Variants in ENOX1 observed in about 807,000 individuals in gnomAD.
The protein encoded by ENOX1 is ecto-NOX disulfide-thiol exchanger 1.
A neutral mutation model predicts 82.5 loss-of-function variants in ENOX1; 42 were observed. The observed-to-expected ratio is 0.51, with a 90% CI of 0.40 to 0.66. The LOEUF is 0.66. Among genes scored for constraint, ENOX1 ranks in the 30% least tolerant of loss-of-function variants. The pLI, the probability that ENOX1 is intolerant of heterozygous loss-of-function variation, is 0.00. For missense variants in ENOX1, 608 were observed against 811.6 expected (o/e 0.75, Z 3.05); for synonymous variants, 271 against 282.2 (o/e 0.96, Z 0.40).
At chr13:43,732,516 G>A (rs2089405121) in intron 1 of ENOX1, among the ~76,000 whole-genome samples, 1 of 152,028 alleles carries the variant, frequency 6.6e-6, no homozygotes, top group Non-Finnish European at 1.5e-5. Flanking sequence ...CCAAGTAATG[G>A]TGAGCGCCCA....
Position 43,236,668 on chromosome 13 carries a change from C to G in ENOX1, c.1682G>C (p.Gly561Ala), listed in dbSNP as rs529596547. 1.9e-6 allele frequency: 3 copies of G among 1,586,286 alleles called. No individual in the cohort carries two copies. The highest frequency in any genetic ancestry group is 3.9e-5 in the Admixed American group (2 of 51,894). The change falls in exon 15 of 17, where the codon GGC becomes GCC. Residue 561 changes from glycine (G) to alanine (A), a missense_variant. Coordinates refer to ENST00000690772, the MANE Select transcript of ENOX1 (RefSeq NM_001347969.2). ...RENNIEKRSQGLKSEKEALLI... is the reference protein window; with the variant it reads ...RENNIEKRSQALKSEKEALLI... The stretch of plus-strand genomic sequence containing the variant: ...CAGAGCTTCTTTCTCTGATTTTAAG[C>G]CTTGGCTTCTTTTCTCAATATTGTT...
At chr13:43,701,294 T>C (rs1268189671) in intron 1 of ENOX1, among the ~76,000 whole-genome samples, 2 of 152,202 alleles carry the variant, frequency 1.3e-5, no homozygotes, top group African/African-American at 4.8e-5. Context: ...GTATATGTTG[T>C]GGTGACCCAT....
At chr13:43,344,782 T>C (rs776267013) in intron 8 of ENOX1, 32 bp from the exon 9 acceptor site, 2 of 1,593,468 alleles carry the variant, frequency 1.3e-6, no homozygotes, top group Non-Finnish European at 1.7e-6. Flanking sequence ...GTACAAATCA[T>C]GCCAAGATGA....
chr13:43,310,179 C>T (rs556166080), intron 11 of ENOX1, among the ~76,000 whole-genome samples: 1 of 103,554 alleles, frequency 9.7e-6, no homozygotes, highest in Non-Finnish European at 1.7e-5. Flanking sequence ...ACCCTGGTGA[C>T]AGAGCGAGAT....
chr13:43,348,064 G>A (rs531473510), intron 8 of ENOX1, among the ~76,000 whole-genome samples: 15 of 152,294 alleles, frequency 9.8e-5, no homozygotes, highest in African/African-American at 3.4e-4. Context: ...TTGTTAAACA[G>A]CACGGCGTGC....
chr13:43,448,627 C>T (rs1213241237), intron 3 of ENOX1, among the ~76,000 whole-genome samples: 3 of 152,082 alleles, frequency 2.0e-5, no homozygotes, highest in Non-Finnish European at 4.4e-5. Context: ...TTTTCTCCCC[C>T]TTTTTTGCCT....
At chr13:43,438,081 G>A (rs1203665492) in intron 3 of ENOX1, among the ~76,000 whole-genome samples, 1 of 152,298 alleles carries the variant, frequency 6.6e-6, no homozygotes, top group Non-Finnish European at 1.5e-5. Context: ...TTGTTTGGCT[G>A]TAGTTTAAAG....
At chr13:43,375,546 A>G (rs1261550522) in intron 5 of ENOX1, among the ~76,000 whole-genome samples, 1 of 152,222 alleles carries the variant, frequency 6.6e-6, no homozygotes, top group Non-Finnish European at 1.5e-5. Context: ...GTGGTGATGC[A>G]GATACCTGGG....
intron 5 of ENOX1, among the ~76,000 whole-genome samples, chr13:43,404,495 T>C (rs919829696): frequency 1.3e-5 from 2 of 152,352 alleles, no homozygotes; most frequent in South Asian, 2.1e-4. Flanking sequence ...TAATTTATCC[T>C]TTAGGTCTTA....
At chr13:43,346,348 T>C (rs1233991754) in intron 8 of ENOX1, among the ~76,000 whole-genome samples, 2 of 152,104 alleles carry the variant, frequency 1.3e-5, no homozygotes, top group Admixed American at 1.3e-4. Context: ...CCATTCTAAG[T>C]CCTCTCCTGC....
intron 1 of ENOX1, among the ~76,000 whole-genome samples, chr13:43,719,818 T>C (rs2088444003): frequency 1.3e-5 from 2 of 152,138 alleles, no homozygotes; most frequent in African/African-American, 2.4e-5. Flanking sequence ...CCTGTCCAAA[T>C]GAATGAGTCT....
intron 9 of ENOX1, among the ~76,000 whole-genome samples, chr13:43,330,936 C>T (rs939957128): frequency 3.9e-5 from 6 of 152,152 alleles, no homozygotes; most frequent in African/African-American, 1.4e-4. Context: ...GCACTTTTCC[C>T]CACCCCAAAA....
At chr13:43,346,366 C>A (rs2049379093) in intron 8 of ENOX1, among the ~76,000 whole-genome samples, 1 of 152,204 alleles carries the variant, frequency 6.6e-6, no homozygotes, top group Non-Finnish European at 1.5e-5. Context: ...TGCTGCACAG[C>A]AGCCTTCTAG....
In ENOX1 at chr13:43,388,131, C is replaced by T. The variant is rs78554042; in HGVS notation, c.208+23785G>A. Among the ~76,000 whole-genome samples the T allele has an allele frequency of 2.3e-3, 346 of 152,202 alleles. 1 individual carries two copies. The highest frequency in any genetic ancestry group is 7.6e-3 in the African/African-American group (314 of 41,522). On this transcript the variant is annotated intron_variant, in intron 5 of 16. Coordinates refer to ENST00000690772, the MANE Select transcript of ENOX1 (RefSeq NM_001347969.2). ...GACAGAGTCAGTAACAACAATGAAG[C>T]CTGCCAGATTGGTGTCACTTAAGAG... is the stretch of plus-strand genomic sequence containing the variant.
Position 43,769,594 on chromosome 13 carries a change from G to A in ENOX1, c.-285+17058C>T, listed in dbSNP as rs57205255. On this transcript the variant is annotated intron_variant, in intron 1 of 16. Transcript: ENST00000690772. ...TAGTAACAGACTGACTGCAGAGCAA[G>A]CATGTATTGACAGCAAGATACAGGT... Among the ~76,000 whole-genome samples, 1,042 of 152,288 alleles carry A rather than the reference G, an allele frequency of 6.8e-3. 14 individuals carry two copies. Among genetic ancestry groups the A allele is most frequent in the African/African-American group, 0.024 (1,011 of 41,550 alleles).
chr13:43,247,903 T>TTG (rs2043218829), intron 14 of ENOX1, among the ~76,000 whole-genome samples: 1 of 70,456 alleles, frequency 1.4e-5, no homozygotes, highest in African/African-American at 5.4e-5. Context: ...TTTTTTTTTT[T>TTG]GAGACGGAGT....
chr13:43,445,847 G>A (rs1312156482), intron 3 of ENOX1, among the ~76,000 whole-genome samples: 1 of 152,234 alleles, frequency 6.6e-6, no homozygotes, highest in African/African-American at 2.4e-5. Context: ...TGTGACGCAA[G>A]CAATTCAGCT....
intron 2 of ENOX1, among the ~76,000 whole-genome samples, chr13:43,537,418 G>A (rs995547364): frequency 2.0e-5 from 3 of 152,306 alleles, no homozygotes; most frequent in African/African-American, 7.2e-5. Context: ...ACACTCACTG[G>A]AGTCTCCAGA....
At chr13:43,540,842 G>GT (rs1422336708) in intron 2 of ENOX1, among the ~76,000 whole-genome samples, 1 of 152,130 alleles carries the variant, frequency 6.6e-6, no homozygotes, top group East Asian at 1.9e-4. Flanking sequence ...CTCAAAAAAG[G>GT]TGGTGCCTTT....
Sources: allele counts gnomAD v4.1 joint callset (sites outside exome capture counted in the v4.1 genomes callset), GRCh38; gene constraint gnomAD v4.1.1; transcripts MANE v1.5; gene names NCBI Gene and HGNC (gene_info 2026-07-23, HGNC 2026-07-21).